Variants in MTR observed in about 807,000 individuals in gnomAD.
The protein encoded by MTR is 5-methyltetrahydrofolate-homocysteine methyltransferase.
Under a neutral mutation model 154.8 loss-of-function variants are expected in MTR, and 84 were observed. That is an observed-to-expected ratio of 0.54 (90% CI 0.45 to 0.65). MTR has a LOEUF of 0.65. MTR is among the 30% of genes least tolerant of loss of function. MTR has a pLI of 0.00. For missense variants in MTR, 1,275 were observed against 1,570.2 expected, an observed-to-expected ratio of 0.81 and a Z score of 3.18; for synonymous variants, 554 against 553.9, an observed-to-expected ratio of 1.00 and a Z score of 0.00.
intron 27 of MTR, among the ~76,000 whole-genome samples, chr1:236,887,789 AAG>A (rs1486951405): frequency 6.6e-6 from 1 of 152,210 alleles, no homozygotes; most frequent in Admixed American, 6.5e-5. Context: ...TAGGGAATAA[AAG>A]AGGGTTTTCT....
chr1:236,813,159 G>A (rs894675134), intron 6 of MTR, among the ~76,000 whole-genome samples: 7 of 152,274 alleles, frequency 4.6e-5, no homozygotes, highest in Non-Finnish European at 7.4e-5. Flanking sequence ...TATATGGAGT[G>A]AAAAGTGAAT....
At chr1:236,880,169 GAAATA>G (rs1418332452) in intron 24 of MTR, among the ~76,000 whole-genome samples, 1 of 151,944 alleles carries the variant, frequency 6.6e-6, no homozygotes, top group Non-Finnish European at 1.5e-5. Context: ...AAAATAAAAT[GAAATA>G]AAATAAAAAT....
At chr1:236,876,316 A>G (rs1665430108) in intron 24 of MTR, among the ~76,000 whole-genome samples, 1 of 152,190 alleles carries the variant, frequency 6.6e-6, no homozygotes, top group Admixed American at 6.6e-5. Flanking sequence ...TCGTTGCTTA[A>G]CGTTAGAAAA....
intron 1 of MTR, among the ~76,000 whole-genome samples, chr1:236,798,878 A>G (rs1233833790): frequency 2.0e-5 from 3 of 152,338 alleles, no homozygotes; most frequent in Middle Eastern, 3.4e-3. Flanking sequence ...AGGAATTGTC[A>G]AGGTGACTTA....
intron 18 of MTR, among the ~76,000 whole-genome samples, chr1:236,853,594 A>T (rs1209892589): frequency 6.6e-6 from 1 of 152,178 alleles, no homozygotes; most frequent in Non-Finnish European, 1.5e-5. Context: ...TTTTCTTAGC[A>T]GTGTACTGGG....
At chr1:236,801,469 T>G (rs927511870) in intron 1 of MTR, among the ~76,000 whole-genome samples, 2 of 152,358 alleles carry the variant, frequency 1.3e-5, no homozygotes, top group East Asian at 3.9e-4. Flanking sequence ...AGTTCTCATA[T>G]TGTATACTTG....
chr1:236,876,954 C>A (rs1222482367), intron 24 of MTR, among the ~76,000 whole-genome samples: 1 of 152,222 alleles, frequency 6.6e-6, no homozygotes, highest in Non-Finnish European at 1.5e-5. Context: ...TTTCTTTCAA[C>A]TCTCCAGAGC....
Position 236,863,477 on chromosome 1 carries a change from G to T in MTR, c.2328G>T (p.Val776=), listed in dbSNP as rs980038551. 22 of 1,613,932 alleles carry T rather than the reference G, an allele frequency of 1.4e-5. No homozygotes were observed. The highest frequency in any genetic ancestry group is 1.4e-5 in the Non-Finnish European group (17 of 1,179,982). Residue 776 remains valine, a synonymous_variant, in exon 22 of 33, where the codon GTG becomes GTT. Transcript: ENST00000366577. ...EEEDPYQGTI[V]LATVKGDVHD... The stretch of plus-strand genomic sequence containing the variant: ...AGGACCCTTACCAGGGCACCATCGT[G>T]CTGGCCACTGTTAAAGGCGACGTGC...
rs1229514065 is a variant in MTR, at chr1:236,899,880, T to A, written c.*2236T>A. On this transcript the variant is annotated 3_prime_UTR_variant, in exon 33 of 33. Coordinates refer to ENST00000366577, the MANE Select transcript of MTR (RefSeq NM_000254.3). ...AGGGAAATATGAATTAGGACCACAA[T>A]GAGATTCCATTTTATATCCATAAGA... 6.5e-6 allele frequency: 1 copy of A among 154,718 alleles called. No individual in the cohort carries two copies. Among genetic ancestry groups the A allele is most frequent in the African/African-American group, 2.4e-5 (1 of 41,536 alleles). 9.6% of individuals were successfully genotyped at this position (154,718 alleles called of 1,614,324 possible). A position where few individuals can be genotyped will look rare whatever the true frequency, so the allele number is the denominator to read the frequency against.
In MTR at chr1:236,899,239, C is replaced by T. The variant is rs1019868443; in HGVS notation, c.*1595C>T. On this transcript the variant is annotated 3_prime_UTR_variant, in exon 33 of 33. Coordinates refer to ENST00000366577, the MANE Select transcript of MTR (RefSeq NM_000254.3). ...AAGGACTTAAAATTACCAAATGCTT[C>T]TAAATATGAAGGAGAGGTTGGGGAC... 3 of 152,098 alleles carry T rather than the reference C, an allele frequency of 2.0e-5. No individual in the cohort carries two copies. The highest frequency in any genetic ancestry group is 7.2e-5 in the African/African-American group (3 of 41,404). 9.4% of individuals were successfully genotyped at this position (152,098 alleles called of 1,614,324 possible). A position where few individuals can be genotyped will look rare whatever the true frequency, so the allele number is the denominator to read the frequency against.
At chr1:236,850,868 T>G (rs897365352) in intron 16 of MTR, among the ~76,000 whole-genome samples, 1 of 152,104 alleles carries the variant, frequency 6.6e-6, no homozygotes. Context: ...CCACAGAACC[T>G]GATAAATAAT....
rs1666183616 is a variant in MTR at position 236,889,178 on chromosome 1, TA to T, written c.2852-2del. On this transcript the variant is annotated splice_acceptor_variant, in intron 27 of 32. Coordinates refer to ENST00000366577, the MANE Select transcript of MTR (RefSeq NM_000254.3). LOFTEE classifies it high-confidence loss of function. ...CATTGACAACCATACTTCTCTCCTG[TA>T]GTGAAGCCCACGTTTATTGGGACCC... 6.2e-7 allele frequency: 1 copy of T among 1,614,042 alleles called. No homozygotes were observed. Among genetic ancestry groups the T allele is most frequent in the Non-Finnish European group, 8.5e-7 (1 of 1,180,040 alleles).
chr1:236,859,967 G>A (rs1224970186), intron 19 of MTR, 45 bp downstream of exon 19: 15 of 1,522,106 alleles, frequency 9.9e-6, no homozygotes, highest in Non-Finnish European at 1.4e-5. Flanking sequence ...GCTCATCATG[G>A]CTGACTGATC....
intron 6 of MTR, among the ~76,000 whole-genome samples, chr1:236,815,184 A>G (rs188814804): frequency 5.0e-4 from 76 of 152,298 alleles, no homozygotes; most frequent in South Asian, 2.1e-4. Flanking sequence ...TTTATTTTTG[A>G]GACAGAGTCT....
At chr1:236,816,237 C>A (rs905357151) in intron 7 of MTR, among the ~76,000 whole-genome samples, 5 of 152,010 alleles carry the variant, frequency 3.3e-5, no homozygotes, top group African/African-American at 1.2e-4. Flanking sequence ...TTTCCCTTGT[C>A]TCTGTTTCTG....
In MTR at chr1:236,891,307, C is replaced by A; in HGVS notation, c.3182C>A (p.Thr1061Asn). 1 of 1,614,136 alleles carries A rather than the reference C, an allele frequency of 6.2e-7. No individual in the cohort carries two copies. Among genetic ancestry groups the A allele is most frequent in the Non-Finnish European group, 8.5e-7 (1 of 1,180,026 alleles). ...AVPQAAEPIA[T>N]FYGLRQQAEK... ...CCCCAGGCTGCAGAGCCCATAGCCA[C>A]CTTCTATGGGTTAAGGCAACAGGTA... The change falls in exon 29 of 33, where the codon ACC (threonine) becomes AAC (asparagine). Residue 1061 changes from threonine (T) to asparagine (N), a missense_variant. By Grantham distance (65) the Thr-to-Asn change is moderately conservative. Coordinates refer to ENST00000366577, the MANE Select transcript of MTR (RefSeq NM_000254.3).
intron 6 of MTR, among the ~76,000 whole-genome samples, chr1:236,813,623 A>C (rs1661432142): frequency 6.6e-6 from 1 of 152,184 alleles, no homozygotes; most frequent in South Asian, 2.1e-4. Flanking sequence ...TCTTACTACT[A>C]ATGTAATTGA....
chr1:236,815,738 T>A, intron 7 of MTR, 75 bp downstream of exon 7: 1 of 1,412,108 alleles, frequency 7.1e-7, no homozygotes, highest in Middle Eastern at 1.8e-4. Flanking sequence ...TCCCCCGCTT[T>A]GCATAGTAGA....
intron 1 of MTR, among the ~76,000 whole-genome samples, chr1:236,801,239 T>C (rs1275733311): frequency 2.0e-5 from 3 of 152,204 alleles, no homozygotes; most frequent in Non-Finnish European, 4.4e-5. Flanking sequence ...TTAACTTCGT[T>C]CCTTTATCAG....
Sources: allele counts gnomAD v4.1 joint callset (sites outside exome capture counted in the v4.1 genomes callset), GRCh38; gene constraint gnomAD v4.1.1; transcripts MANE v1.5; gene names NCBI Gene and HGNC (gene_info 2026-07-23, HGNC 2026-07-21).